OTOGL: variants seen among roughly 807,000 people sequenced by gnomAD.
OTOGL encodes otogelin-like protein.
In OTOGL, 285 loss-of-function variants were observed where a neutral mutation model predicts 318.5. That is an observed-to-expected ratio of 0.89 (90% CI 0.81 to 0.99). The LOEUF (loss-of-function observed/expected upper bound fraction) is 0.99. OTOGL is among the 50% of genes least tolerant of loss of function. OTOGL has a pLI of 0.00. For missense variants in OTOGL, 2,899 were observed against 2,845.6 expected (o/e 1.02, Z -0.43); for synonymous variants, 987 against 936.5 (o/e 1.05, Z -0.99).
At chr12:80,374,789 A>C (rs1275026916) in intron 57 of OTOGL, among the ~76,000 whole-genome samples, 1 of 152,026 alleles carries the variant, frequency 6.6e-6, no homozygotes, top group Admixed American at 6.6e-5. Flanking sequence ...ATGTTATCTC[A>C]GGGCAGACAG....
intron 26 of OTOGL, among the ~76,000 whole-genome samples, chr12:80,288,195 T>C (rs1884776974): frequency 6.6e-6 from 1 of 152,140 alleles, no homozygotes; most frequent in African/African-American, 2.4e-5. Context: ...GGATTGAAAA[T>C]TCTTTTCTTT....
chr12:80,266,332 C>T, intron 20 of OTOGL, 119 bp from the exon 21 acceptor site: 3 of 1,051,630 alleles, frequency 2.9e-6, no homozygotes, highest in Non-Finnish European at 4.1e-6. Flanking sequence ...TTAAGGGTCT[C>T]CCAATTCCTT....
chr12:80,109,386 A>C (rs1019308214), intron 1 of OTOGL, among the ~76,000 whole-genome samples: 8 of 152,142 alleles, frequency 5.3e-5, no homozygotes, highest in African/African-American at 1.9e-4. Context: ...GTGGTTTCCC[A>C]AACATTAATA....
Position 80,318,583 on chromosome 12 carries a change from G to A in OTOGL, c.3672G>A (p.Gly1224=), listed in dbSNP as rs1887120481. Residue 1224 remains glycine, a synonymous_variant, in exon 33 of 59, where the codon GGG becomes GGA. Transcript: ENST00000547103. The part of the protein sequence containing the change: ...GEGPYMLASY[G]QSGLVLGANM... ...GACCATATATGCTGGCAAGCTATGG[G>A]CAGAGTGGCCTTGTTCTGGGGGCCA... 4 of 1,422,700 alleles carry A rather than the reference G, an allele frequency of 2.8e-6. No homozygotes were observed. The highest frequency in any genetic ancestry group is 3.7e-6 in the Non-Finnish European group (4 of 1,087,984). 88.1% of individuals were successfully genotyped at this position (1,422,700 alleles called of 1,614,324 possible). A position where few individuals can be genotyped will look rare whatever the true frequency, so the allele number is the denominator to read the frequency against.
At chr12:80,217,319 T>G in intron 4 of OTOGL, among the ~76,000 whole-genome samples, 1 of 151,672 alleles carries the variant, frequency 6.6e-6, no homozygotes, top group Non-Finnish European at 1.5e-5. Flanking sequence ...GGAGGGAGGA[T>G]GGGAAGTGAG....
chr12:80,305,759 C>T (rs1039660328), intron 29 of OTOGL, 64 bp downstream of exon 29: 3 of 1,233,178 alleles, frequency 2.4e-6, no homozygotes, highest in South Asian at 2.1e-5. Flanking sequence ...TTCACTAGAA[C>T]ATTTTATTCT....
intron 8 of OTOGL, among the ~76,000 whole-genome samples, chr12:80,231,876 A>T (rs1440574219): frequency 1.3e-5 from 2 of 150,384 alleles, no homozygotes; most frequent in African/African-American, 4.9e-5. Flanking sequence ...TGACCTTGTG[A>T]TCCACCCACC....
At chr12:80,222,286 T>C in intron 7 of OTOGL, 41 bp downstream of exon 7, 1 of 1,482,026 alleles carries the variant, frequency 6.7e-7, no homozygotes, top group Non-Finnish European at 9.1e-7. Context: ...AAATATTATC[T>C]CTGGAAAAGT....
intron 1 of OTOGL, among the ~76,000 whole-genome samples, chr12:80,124,301 T>C (rs1870672906): frequency 1.3e-5 from 2 of 152,350 alleles, no homozygotes; most frequent in South Asian, 4.1e-4. Flanking sequence ...GGGAATCCTT[T>C]CCCCATTGCT....
chr12:80,233,234 G>A lies in OTOGL; in HGVS notation c.817+137G>A, dbSNP rs1592582417. 4 of 739,460 alleles carry A rather than the reference G, an allele frequency of 5.4e-6. 1 individual carries two copies. In the East Asian group the frequency reaches 8.2e-5, roughly 15 times the overall value. The allele number at this position is 739,460 out of a possible 1,614,324, so 45.8% of individuals were successfully genotyped here. A position where few individuals can be genotyped will look rare whatever the true frequency, so the allele number is the denominator to read the frequency against. On this transcript the variant is annotated intron_variant, in intron 9 of 58. Coordinates refer to ENST00000547103, the MANE Select transcript of OTOGL (RefSeq NM_001378609.3). ...CACTTGCCTGCTTTAGTGATTTTAA[G>A]TAAAGGTTGAATAGGAAAATATTTT...
chr12:80,224,367 G>C (rs1024146824), intron 7 of OTOGL, among the ~76,000 whole-genome samples: 1 of 152,068 alleles, frequency 6.6e-6, no homozygotes, highest in South Asian at 2.1e-4. Context: ...CTCAAACTTT[G>C]TTCTTTTTGC....
At chr12:80,239,285 C>A in intron 10 of OTOGL, 48 bp from the exon 11 acceptor site, 1 of 1,356,268 alleles carries the variant, frequency 7.4e-7, no homozygotes, top group African/African-American at 1.5e-5. Flanking sequence ...GAAGACTATA[C>A]ACATACCATG....
intron 56 of OTOGL, 96 bp from the exon 57 acceptor site, chr12:80,371,923 A>C (rs1183050235): frequency 1.3e-5 from 9 of 684,496 alleles, no homozygotes; most frequent in Non-Finnish European, 1.8e-5. Context: ...GTGGTATTTG[A>C]TAAAAGTTTT....
At chr12:80,342,202 ATATGTTGAGAG>A in intron 44 of OTOGL, 40 bp downstream of exon 44, 3 of 1,449,258 alleles carry the variant, frequency 2.1e-6, no homozygotes, top group Non-Finnish European at 2.8e-6. Flanking sequence ...TTCATGTTAG[ATATGTTGAGAG>A]TAAAAGCCAA....
At chr12:80,255,614 T>C (rs893175562) in intron 16 of OTOGL, among the ~76,000 whole-genome samples, 1 of 151,958 alleles carries the variant, frequency 6.6e-6, no homozygotes, top group Non-Finnish European at 1.5e-5. Flanking sequence ...TTTGACAGTT[T>C]TGAACTGGTT....
At chr12:80,331,486 A>G (rs1888064822) in intron 37 of OTOGL, among the ~76,000 whole-genome samples, 1 of 151,764 alleles carries the variant, frequency 6.6e-6, no homozygotes, top group South Asian at 2.1e-4. Context: ...AACTACAGGC[A>G]TGCACCACAT....
In OTOGL at chr12:80,249,601, G is replaced by T. The variant is rs557740799; in HGVS notation, c.1053-2092G>T. Among the ~76,000 whole-genome samples, 527 of 152,194 alleles carry T rather than the reference G, an allele frequency of 3.5e-3. 6 individuals are homozygous for T. Among genetic ancestry groups the T allele is most frequent in the African/African-American group, 0.012 (496 of 41,520 alleles). The stretch of plus-strand genomic sequence containing the variant: ...GACAGGGACATTTAAGTCTGCAGAG[G>T]TTACTGCTGTCTTTTTGTTTGTCTG... On this transcript the variant is annotated intron_variant, in intron 11 of 58. Transcript: ENST00000547103.
intron 29 of OTOGL, among the ~76,000 whole-genome samples, chr12:80,308,100 C>T (rs1431218125): frequency 7.1e-6 from 1 of 141,822 alleles, no homozygotes; most frequent in African/African-American, 2.7e-5. Flanking sequence ...GGGGGGCTGA[C>T]CCCCCCACCT....
At chr12:80,229,647 T>A (rs1432239750) in intron 8 of OTOGL, among the ~76,000 whole-genome samples, 1 of 151,636 alleles carries the variant, frequency 6.6e-6, no homozygotes, top group East Asian at 1.9e-4. Flanking sequence ...TCTCTCTCTC[T>A]CTTTTTTTTT....
Sources: allele counts gnomAD v4.1 joint callset (sites outside exome capture counted in the v4.1 genomes callset), GRCh38; gene constraint gnomAD v4.1.1; transcripts MANE v1.5; gene names NCBI Gene and HGNC (gene_info 2026-07-23, HGNC 2026-07-21).